Variants in UTRN observed in about 807,000 individuals in gnomAD.
The protein encoded by UTRN is utrophin, also known as dystrophin-related protein 1.
In UTRN, 283 loss-of-function variants were observed where a neutral mutation model predicts 463.9. The ratio of observed to expected loss-of-function variants is 0.61; its 90% CI spans 0.55 to 0.67. The LOEUF is 0.67. Among genes scored for constraint, UTRN ranks in the 30% least tolerant of loss-of-function variants. The pLI is 0.00. For synonymous variants in UTRN, 1,442 were observed against 1,431.5 expected (o/e 1.01, Z -0.17); for missense variants, 3,922 against 4,084.3 (o/e 0.96, Z 1.08).
chr6:144,710,000 T>C (rs1355852124), intron 53 of UTRN, among the ~76,000 whole-genome samples: 1 of 152,188 alleles, frequency 6.6e-6, no homozygotes, highest in East Asian at 1.9e-4. Flanking sequence ...GTCTTAATGT[T>C]AAAGTTGATG....
intron 2 of UTRN, among the ~76,000 whole-genome samples, chr6:144,355,874 A>G (rs1778505338): frequency 6.6e-6 from 1 of 152,240 alleles, no homozygotes; most frequent in Non-Finnish European, 1.5e-5. Context: ...TTGAAGATTT[A>G]TAAATTTATA....
At chr6:144,371,939 A>C (rs577905902) in intron 2 of UTRN, among the ~76,000 whole-genome samples, 1 of 152,358 alleles carries the variant, frequency 6.6e-6, no homozygotes, top group African/African-American at 2.4e-5. Context: ...TTTGCATCTC[A>C]GCAAAAATAC....
At chr6:144,822,574 GT>G (rs995446979) in intron 66 of UTRN, among the ~76,000 whole-genome samples, 4 of 152,058 alleles carry the variant, frequency 2.6e-5, no homozygotes, top group African/African-American at 9.7e-5. Context: ...TTTAGAAAAA[GT>G]TTTAATAAAG....
intron 3 of UTRN, among the ~76,000 whole-genome samples, chr6:144,410,532 A>T (rs752877221): frequency 6.6e-6 from 1 of 152,014 alleles, no homozygotes; most frequent in African/African-American, 2.4e-5. Flanking sequence ...AGCAGTATAC[A>T]CTGTACCCGA....
chr6:144,811,727 T>C (rs1778630789), intron 65 of UTRN, among the ~76,000 whole-genome samples: 1 of 130,798 alleles, frequency 7.6e-6, no homozygotes. Flanking sequence ...AACTGAGAGG[T>C]TGTTTTATAG....
intron 51 of UTRN, among the ~76,000 whole-genome samples, chr6:144,672,684 T>A (rs1585917079): frequency 6.6e-6 from 1 of 152,108 alleles, no homozygotes; most frequent in Non-Finnish European, 1.5e-5. Flanking sequence ...CCTGCTCTGA[T>A]CTTTGTTATT....
At chr6:144,433,245 C>T (rs1393597359) in intron 9 of UTRN, among the ~76,000 whole-genome samples, 6 of 151,916 alleles carry the variant, frequency 3.9e-5, no homozygotes, top group Admixed American at 6.5e-5. Context: ...GGGCTCCTCA[C>T]TTCCCAGTAG....
At chr6:144,362,280 C>T (rs1312111907) in intron 2 of UTRN, among the ~76,000 whole-genome samples, 3 of 152,116 alleles carry the variant, frequency 2.0e-5, no homozygotes, top group South Asian at 2.1e-4. Context: ...CCCGCCCATC[C>T]GGTGGCACCC....
At chr6:144,391,796 C>T (rs541913965) in intron 2 of UTRN, among the ~76,000 whole-genome samples, 79 of 152,206 alleles carry the variant, frequency 5.2e-4, no homozygotes, top group Non-Finnish European at 9.7e-4. Flanking sequence ...CATGCACCAC[C>T]ACACCCATCT....
chr6:144,513,795 C>G (rs528991442), intron 35 of UTRN, 114 bp from the exon 36 acceptor site: 2 of 1,209,162 alleles, frequency 1.7e-6, no homozygotes, highest in Non-Finnish European at 2.3e-6. Context: ...GGTGAAAGCT[C>G]TCCTTTAAAT....
At chr6:144,797,274 C>T (rs1165135830) in intron 63 of UTRN, among the ~76,000 whole-genome samples, 3 of 151,652 alleles carry the variant, frequency 2.0e-5, no homozygotes, top group African/African-American at 7.3e-5. Context: ...CTGCAACCTC[C>T]GCCTCCCAGG....
At chr6:144,395,026 T>C (rs1470096633) in intron 2 of UTRN, among the ~76,000 whole-genome samples, 1 of 152,152 alleles carries the variant, frequency 6.6e-6, no homozygotes, top group African/African-American at 2.4e-5. Context: ...GTTAATGAGA[T>C]AGTTGCTTTT....
In UTRN at chr6:144,836,361, C is replaced by T. The variant is rs139901829; in HGVS notation, c.9885C>T (p.Val3295=). 3.2e-5 allele frequency: 52 copies of T among 1,614,088 alleles called. No homozygotes were observed. The African/African-American group carries it at 4.7e-4, about 14-fold the overall frequency. Residue 3295 remains valine, a synonymous_variant, in exon 71 of 75, where the codon GTC becomes GTT. Coordinates refer to ENST00000367545, the MANE Select transcript of UTRN (RefSeq NM_007124.3). The part of the protein sequence containing the change: ...KDQHLRRGLP[V]GSPPESIISP... Reference sequence around the variant, plus strand: ...AGCACCTCCGAAGGGGGCTCCCTGTCGGTTCACCGCCAGAGTCGATTATAT... The same window carrying T: ...AGCACCTCCGAAGGGGGCTCCCTGTTGGTTCACCGCCAGAGTCGATTATAT...
intron 25 of UTRN, among the ~76,000 whole-genome samples, chr6:144,478,547 G>T (rs1463297854): frequency 6.6e-6 from 1 of 152,158 alleles, no homozygotes; most frequent in Admixed American, 6.5e-5. Context: ...TTACCCTGTG[G>T]GGACAGTGGA....
intron 34 of UTRN, among the ~76,000 whole-genome samples, chr6:144,504,536 C>T (rs141023587): frequency 3.3e-4 from 50 of 152,152 alleles, no homozygotes; most frequent in Admixed American, 5.2e-4. Context: ...TGATGGATTA[C>T]GTTTATTGAT....
intron 2 of UTRN, among the ~76,000 whole-genome samples, chr6:144,387,526 T>A (rs1270323801): frequency 6.6e-6 from 1 of 152,204 alleles, no homozygotes; most frequent in African/African-American, 2.4e-5. Flanking sequence ...AGCTCCCTCT[T>A]CCACGGTGTT....
intron 50 of UTRN, among the ~76,000 whole-genome samples, chr6:144,561,702 G>C (rs766421256): frequency 6.6e-6 from 1 of 152,058 alleles, no homozygotes. Context: ...TCAACTCACC[G>C]AGTCACCATT....
At chr6:144,315,181 C>T (rs1775201951) in intron 2 of UTRN, among the ~76,000 whole-genome samples, 1 of 152,158 alleles carries the variant, frequency 6.6e-6, no homozygotes, top group African/African-American at 2.4e-5. Flanking sequence ...AGCTGAAAGA[C>T]AATACTGCAG....
intron 26 of UTRN, among the ~76,000 whole-genome samples, chr6:144,480,889 GT>G: frequency 6.6e-6 from 1 of 152,228 alleles, no homozygotes; most frequent in East Asian, 1.9e-4. Flanking sequence ...ATGAATCAAA[GT>G]AAATATGACA....
Sources: allele counts gnomAD v4.1 joint callset (sites outside exome capture counted in the v4.1 genomes callset), GRCh38; gene constraint gnomAD v4.1.1; transcripts MANE v1.5; gene names NCBI Gene and HGNC (gene_info 2026-07-23, HGNC 2026-07-21).